Variants in TPRKB observed in about 807,000 individuals in gnomAD.
The protein encoded by TPRKB is TP53RK binding protein.
Under a neutral mutation model 17.8 loss-of-function variants are expected in TPRKB, and 11 were observed. That is an observed-to-expected ratio of 0.62 (90% confidence interval 0.39 to 1.02). The LOEUF (loss-of-function observed/expected upper bound fraction) is 1.02. Among genes scored for constraint, TPRKB ranks in the 50% least tolerant of loss-of-function variants. The pLI, the probability that TPRKB is intolerant of heterozygous loss-of-function variation, is 0.00. For missense variants in TPRKB, 228 were observed against 198.0 expected, an observed-to-expected ratio of 1.15 and a Z score of -0.91; for synonymous variants, 71 against 69.5, an observed-to-expected ratio of 1.02 and a Z score of -0.11.
Position 73,730,620 on chromosome 2 carries a change from T to A in TPRKB, c.381A>T (p.Glu127Asp), listed in dbSNP as rs776044272. Residue 127 changes from glutamate (E) to aspartate (D), a missense_variant, in exon 4 of 5, where the codon GAA (glutamate) becomes GAT (aspartate). Physicochemically the swap from Glu to Asp is conservative, Grantham distance 45 (BLOSUM62 2). Transcript: ENST00000272424. ...INQEYLISQVEGHQVSLKNLP... is the reference protein window; with the variant it reads ...INQEYLISQVDGHQVSLKNLP... Reference sequence around the variant, plus strand: ...GATTTTTCAGAGAAACCTGATGACCTTCTACTTGAGATATTAGGTATTCTT... The same window carrying A: ...GATTTTTCAGAGAAACCTGATGACCATCTACTTGAGATATTAGGTATTCTT... 6.3e-7 allele frequency: 1 copy of A among 1,595,558 alleles called. No homozygotes were observed. Among genetic ancestry groups the A allele is most frequent in the African/African-American group, 1.4e-5 (1 of 73,654 alleles).
chr2:73,736,384 T>C (rs775105045), intron 1 of TPRKB, among the ~76,000 whole-genome samples: 2 of 151,932 alleles, frequency 1.3e-5, no homozygotes, highest in Non-Finnish European at 2.9e-5. Context: ...TATTTTGTTA[T>C]GTATGTTCTG....
intron 1 of TPRKB, among the ~76,000 whole-genome samples, chr2:73,736,162 A>G (rs1431567396): frequency 6.6e-6 from 1 of 152,206 alleles, no homozygotes; most frequent in Non-Finnish European, 1.5e-5. Flanking sequence ...ACAGAAAAAA[A>G]TATATTTGTG....
At chr2:73,730,798 A>AACGTTTCCTACGTCTGAT (rs1422514000) in intron 3 of TPRKB, 62 bp from the exon 4 acceptor site, 17 of 1,224,890 alleles carry the variant, frequency 1.4e-5, no homozygotes, top group Non-Finnish European at 1.8e-5. Flanking sequence ...CTACGTCTGA[A>AACGTTTCCTACGTCTGAT]ACATTTCCTG....
intron 3 of TPRKB, 62 bp from the exon 4 acceptor site, chr2:73,730,798 A>C: frequency 8.2e-7 from 1 of 1,225,008 alleles, no homozygotes; most frequent in African/African-American, 1.6e-5. Flanking sequence ...CTACGTCTGA[A>C]ACATTTCCTG....
chr2:73,730,638 G>A lies in TPRKB; in HGVS notation c.363C>T (p.Tyr121=), dbSNP rs1671559621. The change falls in exon 4 of 5, where the codon TAC becomes TAT. Residue 121 remains tyrosine (Y), a synonymous_variant. Transcript: ENST00000272424. ...GATGACCTTCTACTTGAGATATTAGGTATTCTTGATTTATTTGTTTTTCTC... is the reference window on the plus strand; with the variant it reads ...GATGACCTTCTACTTGAGATATTAGATATTCTTGATTTATTTGTTTTTCTC... ...EEGEKQINQE[Y]LISQVEGHQV... 2 of 1,588,466 alleles carry A rather than the reference G, an allele frequency of 1.3e-6. No individual in the cohort carries two copies. The highest frequency in any genetic ancestry group is 1.7e-6 in the Non-Finnish European group (2 of 1,169,674).
At chr2:73,730,327 G>GT in intron 4 of TPRKB, 1 of 436,860 alleles carries the variant, frequency 2.3e-6, no homozygotes, top group Non-Finnish European at 3.9e-6. Flanking sequence ...ATATTTAAAG[G>GT]TATTCTCTTT....
intron 4 of TPRKB, 33 bp from the exon 5 acceptor site, chr2:73,730,062 G>T: frequency 3.3e-6 from 5 of 1,520,766 alleles, no homozygotes; most frequent in Non-Finnish European, 4.4e-6. Flanking sequence ...ATGACTTGCT[G>T]ATATCGTCAT....
chr2:73,732,459 C>T, intron 2 of TPRKB, 174 bp from the exon 3 acceptor site: 2 of 705,456 alleles, frequency 2.8e-6, no homozygotes, highest in Non-Finnish European at 4.5e-6. Flanking sequence ...CACCTGTAAT[C>T]CTAGCACTTT....
chr2:73,733,930 G>A (rs1671755401), intron 2 of TPRKB, among the ~76,000 whole-genome samples: 3 of 146,838 alleles, frequency 2.0e-5, no homozygotes, highest in Non-Finnish European at 4.4e-5. Context: ...CGATTCTCCT[G>A]CCTCAGTCTC....
At chr2:73,731,577 G>C (rs1671613771) in intron 3 of TPRKB, among the ~76,000 whole-genome samples, 1 of 152,202 alleles carries the variant, frequency 6.6e-6, no homozygotes, top group African/African-American at 2.4e-5. Context: ...ATTAACAGCA[G>C]CAGTAATACT....
chr2:73,736,630 T>C (rs896407966), intron 1 of TPRKB, among the ~76,000 whole-genome samples: 4 of 152,220 alleles, frequency 2.6e-5, no homozygotes, highest in Non-Finnish European at 5.9e-5. Context: ...CTAAATATAC[T>C]TTTGATTCGT....
chr2:73,736,435 TAAG>T (rs1475578018), intron 1 of TPRKB, among the ~76,000 whole-genome samples: 2 of 152,100 alleles, frequency 1.3e-5, no homozygotes, highest in Non-Finnish European at 2.9e-5. Context: ...GTACACATAA[TAAG>T]AAAGGAAAAA....
chr2:73,734,346 G>C (rs112018847), intron 2 of TPRKB, 83 bp downstream of exon 2: 2 of 1,405,106 alleles, frequency 1.4e-6, no homozygotes, highest in African/African-American at 1.4e-5. Flanking sequence ...TGATCCACCC[G>C]CCTCGGCCTC....
chr2:73,732,494 CT>C, intron 2 of TPRKB: 1 of 517,992 alleles, frequency 1.9e-6, no homozygotes, highest in South Asian at 2.4e-5. Context: ...GGTAGATCAC[CT>C]GACGTCAGGG....
At chr2:73,730,133 G>A (rs1241095500) in intron 4 of TPRKB, 104 bp from the exon 5 acceptor site, 14 of 1,300,834 alleles carry the variant, frequency 1.1e-5, no homozygotes, top group Non-Finnish European at 1.4e-5. Flanking sequence ...TTCAATTATT[G>A]GGTTCATGGT....
At chr2:73,733,634 A>C (rs1671736777) in intron 2 of TPRKB, among the ~76,000 whole-genome samples, 1 of 151,966 alleles carries the variant, frequency 6.6e-6, no homozygotes, top group African/African-American at 2.4e-5. Context: ...CCCAGACCAC[A>C]ACCTTTCCTA....
At chr2:73,730,792 G>A (rs931906719) in intron 3 of TPRKB, 56 bp from the exon 4 acceptor site, 27 of 1,273,646 alleles carry the variant, frequency 2.1e-5, no homozygotes, top group Non-Finnish European at 2.4e-5. Context: ...TGTTTCCTAC[G>A]TCTGAAACAT....
chr2:73,737,002 GTC>G (rs1438432696), intron 1 of TPRKB, among the ~76,000 whole-genome samples: 1 of 152,088 alleles, frequency 6.6e-6, no homozygotes, highest in African/African-American at 2.4e-5. Flanking sequence ...TCCATTTGGA[GTC>G]CATTTACTAC....
intron 1 of TPRKB, among the ~76,000 whole-genome samples, chr2:73,736,797 T>TA (rs1025900121): frequency 1.3e-5 from 2 of 152,176 alleles, no homozygotes; most frequent in African/African-American, 4.8e-5. Flanking sequence ...CTGCTGCTCT[T>TA]ATGATAAAGC....
Sources: allele counts gnomAD v4.1 joint callset (sites outside exome capture counted in the v4.1 genomes callset), GRCh38; gene constraint gnomAD v4.1.1; transcripts MANE v1.5; gene names NCBI Gene and HGNC (gene_info 2026-07-23, HGNC 2026-07-21).